Variants in SLC25A26 observed in about 807,000 individuals in gnomAD.
SLC25A26 encodes solute carrier family 25 member 26, also known as mitochondrial S-adenosylmethionine carrier protein.
In SLC25A26, 36 loss-of-function variants were observed where a neutral mutation model predicts 37.8. That is an observed-to-expected ratio of 0.95 (90% CI 0.73 to 1.26). The LOEUF (loss-of-function observed/expected upper bound fraction) is 1.26. SLC25A26 is among the 50% of genes most tolerant of loss of function. The pLI is 0.00. For synonymous variants in SLC25A26, 129 were observed against 122.5 expected (o/e 1.05, Z -0.35); for missense variants, 390 against 331.1 (o/e 1.18, Z -1.38).
At chr3:66,251,637 G>A (rs1018696209) in intron 3 of SLC25A26, among the ~76,000 whole-genome samples, 1 of 152,186 alleles carries the variant, frequency 6.6e-6, no homozygotes, top group African/African-American at 2.4e-5. Flanking sequence ...GGCATTATCT[G>A]TGTGTGGTTA....
chr3:66,143,164 T>C (rs969496343), intron 1 of SLC25A26, among the ~76,000 whole-genome samples: 2 of 144,126 alleles, frequency 1.4e-5, no homozygotes, highest in African/African-American at 5.1e-5. Flanking sequence ...GGCTGAATAA[T>C]AAAAAAAAAA....
At chr3:66,291,511 T>A (rs879648735) in intron 5 of SLC25A26, among the ~76,000 whole-genome samples, 1 of 152,228 alleles carries the variant, frequency 6.6e-6, no homozygotes, top group Non-Finnish European at 1.5e-5. Flanking sequence ...GTGTATTTGC[T>A]TTCATCAGTT....
chr3:66,349,080 GC>G (rs2076392035), intron 6 of SLC25A26, among the ~76,000 whole-genome samples: 1 of 152,158 alleles, frequency 6.6e-6, no homozygotes, highest in South Asian at 2.1e-4. Context: ...GAAGGAAAAA[GC>G]ATAGTGTTTA....
intron 1 of SLC25A26, among the ~76,000 whole-genome samples, chr3:66,222,647 G>GAGT (rs2071555974): frequency 6.6e-6 from 1 of 152,198 alleles, no homozygotes; most frequent in African/African-American, 2.4e-5. Flanking sequence ...AATGAGGGAA[G>GAGT]TGGGATACCA....
chr3:66,177,616 C>T (rs866542963), intron 1 of SLC25A26, among the ~76,000 whole-genome samples: 43 of 152,228 alleles, frequency 2.8e-4, no homozygotes, highest in African/African-American at 1.0e-3. Flanking sequence ...ACAACACACC[C>T]ATCGTCTGTC....
intron 5 of SLC25A26, among the ~76,000 whole-genome samples, chr3:66,287,380 TAGAA>T (rs1384536644): frequency 6.6e-6 from 1 of 152,190 alleles, no homozygotes; most frequent in Non-Finnish European, 1.5e-5. Context: ...TTTTAAGTGA[TAGAA>T]AGGACTGACT....
At chr3:66,364,049 C>T (rs888726347) in intron 7 of SLC25A26, among the ~76,000 whole-genome samples, 5 of 152,022 alleles carry the variant, frequency 3.3e-5, no homozygotes, top group African/African-American at 1.2e-4. Flanking sequence ...CTCCTGGGCC[C>T]TGGGGACAAA....
intron 5 of SLC25A26, among the ~76,000 whole-genome samples, chr3:66,296,761 T>A (rs2074915121): frequency 1.3e-5 from 2 of 152,254 alleles, no homozygotes. Flanking sequence ...ACTACCTCTT[T>A]TGGCTCTTAA....
intron 5 of SLC25A26, among the ~76,000 whole-genome samples, chr3:66,341,253 C>T (rs1304012146): frequency 6.6e-6 from 1 of 152,036 alleles, no homozygotes; most frequent in Non-Finnish European, 1.5e-5. Flanking sequence ...GAAGTTCCTT[C>T]CCATTCTTAT....
At chr3:66,371,418 G>A (rs1207768728) in intron 9 of SLC25A26, 3 of 1,466,098 alleles carry the variant, frequency 2.0e-6, no homozygotes, top group Admixed American at 4.8e-5. Flanking sequence ...AAGTAGGTGA[G>A]TCAGGACCCA....
chr3:66,205,924 A>T (rs1044997125), intron 1 of SLC25A26, among the ~76,000 whole-genome samples: 16 of 152,212 alleles, frequency 1.1e-4, no homozygotes, highest in Non-Finnish European at 1.8e-4. Flanking sequence ...TAAGAAAGTT[A>T]AAAAAGTGAG....
chr3:66,311,465 T>C (rs940765368), intron 5 of SLC25A26, among the ~76,000 whole-genome samples: 25 of 152,092 alleles, frequency 1.6e-4, no homozygotes, highest in Non-Finnish European at 3.4e-4. Context: ...GAGTTTGTTA[T>C]TACCCACCTT....
At chr3:66,323,367 T>C (rs190395246) in intron 5 of SLC25A26, among the ~76,000 whole-genome samples, 37 of 152,368 alleles carry the variant, frequency 2.4e-4, no homozygotes, top group African/African-American at 8.7e-4. Flanking sequence ...ATATCAGTTA[T>C]TGTAACCACC....
chr3:66,153,933 A>G (rs1049543760), intron 1 of SLC25A26, among the ~76,000 whole-genome samples: 7 of 152,180 alleles, frequency 4.6e-5, no homozygotes, highest in Non-Finnish European at 1.0e-4. Flanking sequence ...GGTTATTTCT[A>G]TCCTTTCTGT....
intron 6 of SLC25A26, among the ~76,000 whole-genome samples, chr3:66,353,163 G>T (rs2076498803): frequency 1.3e-5 from 2 of 152,196 alleles, no homozygotes; most frequent in South Asian, 4.1e-4. Context: ...CTTTCACCTA[G>T]TTGCCTGAGC....
chr3:66,199,227 A>C (rs1340037462), intron 1 of SLC25A26, among the ~76,000 whole-genome samples: 1 of 150,494 alleles, frequency 6.6e-6, no homozygotes. Flanking sequence ...CCTACCCTGA[A>C]CCTGACTCTC....
At chr3:66,239,816 CTTTTTTTTTTTTT>C (rs536690709) in intron 2 of SLC25A26, among the ~76,000 whole-genome samples, 6 of 110,182 alleles carry the variant, frequency 5.4e-5, no homozygotes, top group African/African-American at 1.0e-4. Flanking sequence ...TCCTTTCTTT[CTTTTTTTTTTTTT>C]TTTTTTTTTT....
chr3:66,264,309 G>A (rs1453394065), intron 5 of SLC25A26, among the ~76,000 whole-genome samples: 1 of 152,094 alleles, frequency 6.6e-6, no homozygotes, highest in Admixed American at 6.5e-5. Context: ...CTAAGGGTAA[G>A]ATATCAAGTT....
chr3:66,303,151 T>C lies in SLC25A26; in HGVS notation c.453+39772T>C, dbSNP rs565314288. On this transcript the variant is annotated intron_variant, in intron 5 of 9. Coordinates refer to ENST00000354883, the MANE Select transcript of SLC25A26 (RefSeq NM_001379210.1). ...GTCTAGTCACTGTTGACATCTTTAA[T>C]ACTGCTTTTAGTCTTTGAATCCTTT... is the stretch of plus-strand genomic sequence containing the variant. Among the ~76,000 whole-genome samples, 4 of 152,362 alleles carry C rather than the reference T, an allele frequency of 2.6e-5. No homozygotes were observed. In the South Asian group the frequency reaches 6.2e-4, roughly 24 times the overall value.
Sources: allele counts gnomAD v4.1 joint callset (sites outside exome capture counted in the v4.1 genomes callset), GRCh38; gene constraint gnomAD v4.1.1; transcripts MANE v1.5; gene names NCBI Gene and HGNC (gene_info 2026-07-23, HGNC 2026-07-21).